Variants in RIOK1 observed in about 807,000 individuals in gnomAD.
The protein encoded by RIOK1 is serine/threonine-protein kinase RIO1.
A neutral mutation model predicts 73.5 loss-of-function variants in RIOK1; 66 were observed. The observed-to-expected ratio is 0.90, with a 90% confidence interval of 0.74 to 1.10. The LOEUF (loss-of-function observed/expected upper bound fraction) is 1.10. Among genes scored for constraint, RIOK1 ranks in the 50% least tolerant of loss-of-function variants. The probability of loss-of-function intolerance (pLI) is 0.00; values close to 1 mark genes in which losing one functional copy is unlikely to be tolerated. For missense variants in RIOK1, 658 were observed against 699.8 expected (o/e 0.94, Z 0.67); for synonymous variants, 224 against 226.8 (o/e 0.99, Z 0.11).
At chr6:7,391,665 T>C (rs1319649205) in intron 1 of RIOK1, among the ~76,000 whole-genome samples, 1 of 152,190 alleles carries the variant, frequency 6.6e-6, no homozygotes, top group Non-Finnish European at 1.5e-5. Context: ...AGGGGACTTT[T>C]GGCAATTTCT....
intron 12 of RIOK1, among the ~76,000 whole-genome samples, chr6:7,410,062 T>G (rs184953304): frequency 1.8e-4 from 28 of 152,302 alleles, no homozygotes; most frequent in South Asian, 4.1e-4. Context: ...CTGTATTCCT[T>G]TAGTAAATGC....
At chr6:7,393,026 A>T in intron 1 of RIOK1, 73 bp from the exon 2 acceptor site, 1 of 1,427,156 alleles carries the variant, frequency 7.0e-7, no homozygotes, top group Non-Finnish European at 9.6e-7. Context: ...AATATCTTAC[A>T]TCATAAATAT....
chr6:7,414,229 A>G lies in RIOK1; in HGVS notation c.1444-9A>G, dbSNP rs199682638. 52 of 1,597,920 alleles carry G rather than the reference A, an allele frequency of 3.3e-5. No individual in the cohort carries two copies. The highest frequency in any genetic ancestry group is 4.3e-5 in the Non-Finnish European group (51 of 1,175,270). On this transcript the variant is annotated splice_polypyrimidine_tract_variant and intron_variant, in intron 15 of 16. Coordinates refer to ENST00000379834, the MANE Select transcript of RIOK1 (RefSeq NM_031480.3). ...GTTTAGAATAACATGGTTCTTTAAT[A>G]ATTTCAAGGTCCCTGCACTCCTAGA...
intron 6 of RIOK1, among the ~76,000 whole-genome samples, chr6:7,401,689 CTTT>C (rs35177259): frequency 1.5e-4 from 16 of 109,236 alleles, no homozygotes; most frequent in Admixed American, 2.9e-4. Flanking sequence ...TAAACAGAGT[CTTT>C]TTTTTTTTTT....
intron 3 of RIOK1, among the ~76,000 whole-genome samples, chr6:7,395,507 C>A (rs1761450774): frequency 7.3e-6 from 1 of 136,888 alleles, no homozygotes; most frequent in Non-Finnish European, 1.6e-5. Context: ...GGGCAAAATT[C>A]CATCTCAAAA....
chr6:7,413,590 C>T (rs1761935657), intron 15 of RIOK1, among the ~76,000 whole-genome samples: 1 of 152,128 alleles, frequency 6.6e-6, no homozygotes, highest in Non-Finnish European at 1.5e-5. Context: ...TGGTATTTTG[C>T]ATTTCTGAGT....
intron 16 of RIOK1, among the ~76,000 whole-genome samples, chr6:7,415,859 C>A (rs1223626056): frequency 6.6e-6 from 1 of 152,180 alleles, no homozygotes; most frequent in South Asian, 2.1e-4. Flanking sequence ...AGACCACATT[C>A]AAATAACTTT....
At position 7,414,380 on chromosome 6, in the gene RIOK1, T is replaced by C. The variant is rs530357242; in HGVS notation, c.1586T>C (p.Ile529Thr). ...AAGAAACACACCACGGACCCTGACA[T>C]TGATAAAAAAGTAAGCAATGAAATA... ...RPKKHTTDPD[I>T]DKKERKKMVK... is the part of the protein sequence containing the mutation. The change falls in exon 16 of 17, where the codon ATT (isoleucine) becomes ACT (threonine). Residue 529 changes from isoleucine to threonine, a missense_variant. Ile to Thr is a moderately conservative substitution (Grantham distance 89, BLOSUM62 -1). Coordinates refer to ENST00000379834, the MANE Select transcript of RIOK1 (RefSeq NM_031480.3). 2.9e-5 allele frequency: 46 copies of C among 1,600,610 alleles called. No individual in the cohort carries two copies. The highest frequency in any genetic ancestry group is 3.7e-5 in the Non-Finnish European group (44 of 1,176,442).
intron 1 of RIOK1, among the ~76,000 whole-genome samples, chr6:7,390,278 A>C (rs1423026512): frequency 6.6e-6 from 1 of 152,192 alleles, no homozygotes; most frequent in Non-Finnish European, 1.5e-5. Context: ...CTACTTGTCA[A>C]GGGAGTCTGC....
At chr6:7,416,227 A>G (rs1397013486) in intron 16 of RIOK1, among the ~76,000 whole-genome samples, 1 of 152,266 alleles carries the variant, frequency 6.6e-6, no homozygotes, top group Non-Finnish European at 1.5e-5. Context: ...TATGTCTACT[A>G]GAAACACATA....
intron 12 of RIOK1, among the ~76,000 whole-genome samples, chr6:7,408,519 A>C (rs374916885): frequency 6.6e-5 from 10 of 152,108 alleles, no homozygotes; most frequent in African/African-American, 2.2e-4. Flanking sequence ...ACTATAATAG[A>C]AGTAGTCACA....
At chr6:7,414,424 T>C (rs4960314) in intron 16 of RIOK1, 34 bp downstream of exon 16, 1,451,387 of 1,567,130 alleles carry the variant, frequency 0.93, 673,282 homozygotes, top group South Asian at 0.96. Context: ...TTTTCTTTAG[T>C]GTGGGAGCAC....
At chr6:7,398,769 CT>C (rs751171224) in intron 5 of RIOK1, 29 bp downstream of exon 5, 36 of 1,561,696 alleles carry the variant, frequency 2.3e-5, no homozygotes, top group South Asian at 1.1e-4. Context: ...GCAAACTCTT[CT>C]TTTTAATTAG....
At chr6:7,408,930 A>G (rs1302167965) in intron 12 of RIOK1, among the ~76,000 whole-genome samples, 1 of 151,750 alleles carries the variant, frequency 6.6e-6, no homozygotes, top group Non-Finnish European at 1.5e-5. Context: ...CATGTTGGTC[A>G]GGCTGGCCTT....
In RIOK1 at chr6:7,392,433, G is replaced by T. The variant is rs35907862; in HGVS notation, c.72-666G>T. On this transcript the variant is annotated intron_variant, in intron 1 of 16. Coordinates refer to ENST00000379834, the MANE Select transcript of RIOK1 (RefSeq NM_031480.3). ...GATTTCTTTGTGGAACACAAATCTT[G>T]ATGTAACTTCTTTTATTGCAAAGTG... Among the ~76,000 whole-genome samples, 1,230 of 151,888 alleles carry T rather than the reference G, an allele frequency of 8.1e-3. 8 individuals are homozygous for T. Among genetic ancestry groups the T allele is most frequent in the Middle Eastern group, 0.014 (4 of 286 alleles).
chr6:7,416,255 G>A (rs1167196210), intron 16 of RIOK1, among the ~76,000 whole-genome samples: 3 of 152,156 alleles, frequency 2.0e-5, no homozygotes, highest in African/African-American at 7.2e-5. Context: ...TCTTTCCAAT[G>A]TCTATTTCTG....
At chr6:7,397,006 G>C (rs1051198788) in intron 4 of RIOK1, among the ~76,000 whole-genome samples, 2 of 152,082 alleles carry the variant, frequency 1.3e-5, no homozygotes, top group African/African-American at 4.8e-5. Flanking sequence ...GCTCATGCCT[G>C]TAATCCCATC....
At position 7,395,039 on chromosome 6, in the gene RIOK1, G is replaced by T. The variant is rs748772188; in HGVS notation, c.277-14G>T. ...TTTACAGCTAGTGCCTTAGACTCTG[G>T]AATTCCCTTCTAGGCAAATCGACAG... On this transcript the variant is annotated splice_polypyrimidine_tract_variant and intron_variant, in intron 2 of 16. Transcript: ENST00000379834. 3.1e-6 allele frequency: 5 copies of T among 1,613,322 alleles called. No individual in the cohort carries two copies. The highest frequency in any genetic ancestry group is 4.2e-6 in the Non-Finnish European group (5 of 1,179,584).
intron 12 of RIOK1, among the ~76,000 whole-genome samples, chr6:7,406,810 G>A (rs958515835): frequency 1.1e-4 from 17 of 152,072 alleles, no homozygotes; most frequent in African/African-American, 2.9e-4. Context: ...ACAGGTGCGA[G>A]CCACTACACC....
Sources: allele counts gnomAD v4.1 joint callset (sites outside exome capture counted in the v4.1 genomes callset), GRCh38; gene constraint gnomAD v4.1.1; transcripts MANE v1.5; gene names NCBI Gene and HGNC (gene_info 2026-07-23, HGNC 2026-07-21).